Variants in AP1G1 observed in about 807,000 individuals in gnomAD.
AP1G1 encodes AP-1 complex subunit gamma-1.
Under a neutral mutation model 108.3 loss-of-function variants are expected in AP1G1, and 7 were observed. That is an observed-to-expected ratio of 0.06 (90% CI 0.04 to 0.12). The LOEUF (loss-of-function observed/expected upper bound fraction) is 0.12, where lower values mean the gene tolerates loss of function less well. AP1G1 is among the 10% of genes least tolerant of loss of function. The pLI is 1.00. For missense variants in AP1G1, 756 were observed against 1,010.7 expected (o/e 0.75, Z 3.42); for synonymous variants, 379 against 353.5 (o/e 1.07, Z -0.81).
At chr16:71,742,756 G>C (rs1212063485) in intron 19 of AP1G1, 1 of 152,108 alleles carries the variant, frequency 6.6e-6, no homozygotes, top group Admixed American at 6.6e-5. Flanking sequence ...GATCATTTGA[G>C]GTCAGGAGTT....
Position 71,808,780 on chromosome 16 carries a change from T to C in AP1G1, c.-21A>G. On this transcript the variant is annotated 5_prime_UTR_variant, in exon 1 of 23. Coordinates refer to ENST00000299980, the MANE Select transcript of AP1G1 (RefSeq NM_001128.6). ...ACACTCACCGGCCCGAAACCTCGAA[T>C]GAAACCAGCAGCTCCGGGGGCGGCG... The C allele has an allele frequency of 2.3e-6, 3 of 1,289,586 alleles. No individual in the cohort carries two copies. Among genetic ancestry groups the C allele is most frequent in the Non-Finnish European group, 3.0e-6 (3 of 988,736 alleles). 79.9% of individuals were successfully genotyped at this position (1,289,586 alleles called of 1,614,324 possible).
intron 2 of AP1G1, among the ~76,000 whole-genome samples, chr16:71,788,903 C>T (rs1448656819): frequency 6.6e-6 from 1 of 151,952 alleles, no homozygotes; most frequent in Non-Finnish European, 1.5e-5. Flanking sequence ...GTGATTCTCC[C>T]ACTTCAGTGT....
At chr16:71,806,829 G>C in intron 1 of AP1G1, 1 of 552,518 alleles carries the variant, frequency 1.8e-6, no homozygotes, top group Non-Finnish European at 2.8e-6. Flanking sequence ...TAAATAACAA[G>C]ATCACTGAGT....
At chr16:71,756,244 A>T in intron 11 of AP1G1, 85 bp from the exon 12 acceptor site, 1 of 1,241,922 alleles carries the variant, frequency 8.1e-7, no homozygotes, top group South Asian at 1.6e-5. Flanking sequence ...TGTGAACACC[A>T]AGTACTGCCA....
chr16:71,781,025 C>G (rs184692869), intron 2 of AP1G1, among the ~76,000 whole-genome samples: 1 of 152,218 alleles, frequency 6.6e-6, no homozygotes, highest in East Asian at 1.9e-4. Flanking sequence ...ACTATGTTAC[C>G]TGGGCTGGTC....
intron 1 of AP1G1, among the ~76,000 whole-genome samples, chr16:71,800,180 T>C (rs573502324): frequency 9.2e-4 from 132 of 143,506 alleles, no homozygotes; most frequent in African/African-American, 3.1e-3. Flanking sequence ...CTGGTTAACA[T>C]GGTGAAACTC....
intron 1 of AP1G1, among the ~76,000 whole-genome samples, chr16:71,801,367 AAAT>A (rs2032795089): frequency 1.3e-5 from 2 of 152,126 alleles, no homozygotes; most frequent in Admixed American, 6.5e-5. Flanking sequence ...AGAGTAATAT[AAAT>A]AATATGATCT....
intron 15 of AP1G1, among the ~76,000 whole-genome samples, chr16:71,749,252 C>G (rs1402880368): frequency 6.6e-6 from 1 of 151,868 alleles, no homozygotes; most frequent in Non-Finnish European, 1.5e-5. Flanking sequence ...GAGGCCAAGG[C>G]AGGCAGATTG....
At chr16:71,783,739 T>C (rs1490105562) in intron 2 of AP1G1, among the ~76,000 whole-genome samples, 1 of 152,170 alleles carries the variant, frequency 6.6e-6, no homozygotes, top group Non-Finnish European at 1.5e-5. Context: ...ACTACTGACA[T>C]ATGGAAATGT....
intron 2 of AP1G1, 79 bp from the exon 3 acceptor site, chr16:71,774,671 G>C (rs563455942): frequency 7.0e-7 from 1 of 1,431,938 alleles, no homozygotes; most frequent in African/African-American, 1.4e-5. Context: ...TTAACCCAGA[G>C]TCCCCAGCTG....
At chr16:71,765,837 T>C (rs1014283744) in intron 6 of AP1G1, among the ~76,000 whole-genome samples, 2 of 152,186 alleles carry the variant, frequency 1.3e-5, no homozygotes, top group African/African-American at 4.8e-5. Context: ...GTAAAGATAT[T>C]ACAAATAATA....
chr16:71,808,444 C>G lies in AP1G1; in HGVS notation c.-4+319G>C, dbSNP rs377065692. ...GGCCCGCCCCGCTAAACCCCAGGCT[C>G]CCTGAATGAGCCCTCAAAGATCGCA... On this transcript the variant is annotated intron_variant, in intron 1 of 22. Transcript: ENST00000299980. 119 of 1,194,330 alleles carry G rather than the reference C, an allele frequency of 1.0e-4. 1 individual carries two copies. In the African/African-American group the frequency reaches 1.7e-3, roughly 18 times the overall value. The allele number at this position is 1,194,330 out of a possible 1,614,324, so 74.0% of individuals were successfully genotyped here.
chr16:71,729,432 GA>G lies in AP1G1; in HGVS notation c.*3625del, dbSNP rs61081595. On this transcript the variant is annotated 3_prime_UTR_variant, in exon 23 of 23. Transcript: ENST00000299980. Reference sequence around the variant, plus strand: ...CGCAACCGCAGGTTCTTTGAGGGAAGAAAAAAAAAAAAAAAAAAACCAACTC... The same window carrying G: ...CGCAACCGCAGGTTCTTTGAGGGAAGAAAAAAAAAAAAAAAAAACCAACTC... 0.096 allele frequency: 8,808 copies of G among 92,180 alleles called. 595 individuals are homozygous for G. Among genetic ancestry groups the G allele is most frequent in the African/African-American group, 0.23 (6,442 of 27,920 alleles). 5.7% of individuals were successfully genotyped at this position (92,180 alleles called of 1,614,324 possible). A position where few individuals can be genotyped will look rare whatever the true frequency, so the allele number is the denominator to read the frequency against.
rs898701714 is a variant in AP1G1 at position 71,731,871 on chromosome 16, A to G, written c.*1187T>C. On this transcript the variant is annotated 3_prime_UTR_variant, in exon 23 of 23. Coordinates refer to ENST00000299980, the MANE Select transcript of AP1G1 (RefSeq NM_001128.6). Reference sequence around the variant, plus strand: ...TCACTCCAACACCATAAAGTACAATATGGAAAGATTTCTTTAACCGTGTGG... The same window carrying G: ...TCACTCCAACACCATAAAGTACAATGTGGAAAGATTTCTTTAACCGTGTGG... 1 of 152,664 alleles carries G rather than the reference A, an allele frequency of 6.6e-6. No homozygotes were observed. Among genetic ancestry groups the G allele is most frequent in the African/African-American group, 2.4e-5 (1 of 41,474 alleles). The allele number at this position is 152,664 out of a possible 1,614,324, so 9.5% of individuals were successfully genotyped here.
intron 2 of AP1G1, chr16:71,777,573 G>T: frequency 2.7e-6 from 1 of 371,764 alleles, no homozygotes; most frequent in Admixed American, 3.2e-5. Flanking sequence ...GCCGAGAGAG[G>T]CCTCCCATCC....
chr16:71,748,621 T>C (rs1447825690), intron 15 of AP1G1, among the ~76,000 whole-genome samples: 1 of 151,906 alleles, frequency 6.6e-6, no homozygotes, highest in African/African-American at 2.4e-5. Flanking sequence ...GAGTGAAAAA[T>C]GACCACTGGG....
chr16:71,749,425 A>G (rs2030364153), intron 15 of AP1G1, among the ~76,000 whole-genome samples: 1 of 151,806 alleles, frequency 6.6e-6, no homozygotes, highest in South Asian at 2.1e-4. Flanking sequence ...TCAAGGCTGC[A>G]GTGAATTGTG....
intron 21 of AP1G1, 48 bp downstream of exon 21, chr16:71,738,894 C>T (rs62053157): frequency 2.6e-6 from 4 of 1,518,906 alleles, no homozygotes; most frequent in Non-Finnish European, 3.6e-6. Flanking sequence ...AAAAAAAAGC[C>T]AGCCAATCTT....
At chr16:71,752,217 T>C (rs1284584844) in intron 13 of AP1G1, among the ~76,000 whole-genome samples, 1 of 152,130 alleles carries the variant, frequency 6.6e-6, no homozygotes, top group Non-Finnish European at 1.5e-5. Flanking sequence ...TCATAAACAC[T>C]TTCCTTCAGG....
Sources: gnomAD v4.1 joint callset for allele counts (sites outside exome capture counted in the v4.1 genomes callset) on GRCh38, gnomAD v4.1.1 for gene constraint, MANE v1.5 for transcripts, NCBI Gene and HGNC (gene_info 2026-07-23, HGNC 2026-07-21) for gene names.